The following RASSF4 variants were observed in gnomAD, a reference collection of about 807,000 sequenced individuals.
RASSF4 encodes Ras association domain family member 4, also known as ras association domain-containing protein 4.
Under a neutral mutation model 41.1 loss-of-function variants are expected in RASSF4, and 38 were observed. The ratio of observed to expected loss-of-function variants is 0.92; its 90% CI spans 0.71 to 1.21. The LOEUF (loss-of-function observed/expected upper bound fraction) is 1.21, where lower values mean the gene tolerates loss of function less well. RASSF4 is among the 50% of genes most tolerant of loss of function. The pLI is 0.00. For synonymous variants in RASSF4, 179 were observed against 163.4 expected, an observed-to-expected ratio of 1.10 and a Z score of -0.73; for missense variants, 414 against 419.4, an observed-to-expected ratio of 0.99 and a Z score of 0.11.
chr10:44,986,618 C>T (rs1841929297), intron 6 of RASSF4, among the ~76,000 whole-genome samples: 1 of 152,244 alleles, frequency 6.6e-6, no homozygotes, highest in Non-Finnish European at 1.5e-5. Flanking sequence ...CCCCCACCTC[C>T]TGGGTAAGGG....
chr10:44,979,058 A>G (rs1025452968), intron 3 of RASSF4, among the ~76,000 whole-genome samples: 12 of 152,118 alleles, frequency 7.9e-5, no homozygotes, highest in Non-Finnish European at 1.5e-4. Context: ...GAGGGGTTCC[A>G]CTGGGCCCTC....
intron 1 of RASSF4, among the ~76,000 whole-genome samples, chr10:44,964,323 TC>T (rs1225294284): frequency 6.6e-6 from 1 of 152,190 alleles, no homozygotes; most frequent in Non-Finnish European, 1.5e-5. Flanking sequence ...GGACAGAGTG[TC>T]CTCCAGCCTG....
intron 6 of RASSF4, among the ~76,000 whole-genome samples, chr10:44,987,787 G>A (rs1454435928): frequency 6.6e-6 from 1 of 151,962 alleles, no homozygotes; most frequent in Non-Finnish European, 1.5e-5. Flanking sequence ...ATTAAGGCAT[G>A]CATATTTTTT....
At chr10:44,984,557 C>T (rs1841844820) in intron 5 of RASSF4, 2 of 551,832 alleles carry the variant, frequency 3.6e-6, no homozygotes, top group Admixed American at 6.1e-5. Flanking sequence ...CACCAAAGAC[C>T]TCCATGGGCA....
chr10:44,984,653 G>A (rs964175089), intron 5 of RASSF4, 160 bp from the exon 6 acceptor site: 2 of 802,728 alleles, frequency 2.5e-6, no homozygotes, highest in Admixed American at 2.4e-5. Flanking sequence ...CTATCTGCAA[G>A]CTGGGAATAT....
chr10:44,977,520 G>A, intron 3 of RASSF4: 1 of 1,613,434 alleles, frequency 6.2e-7, no homozygotes, highest in South Asian at 1.1e-5. Flanking sequence ...TCAGAGCTCT[G>A]CTGCCCATCC....
chr10:44,969,195 G>A (rs1841041318), intron 1 of RASSF4, among the ~76,000 whole-genome samples: 1 of 151,938 alleles, frequency 6.6e-6, no homozygotes, highest in East Asian at 1.9e-4. Flanking sequence ...AGAGTCCTTG[G>A]CCACATTGAC....
At chr10:44,982,483 C>T (rs1841753007) in intron 3 of RASSF4, 38 bp from the exon 4 acceptor site, 1 of 1,602,516 alleles carries the variant, frequency 6.2e-7, no homozygotes, top group Admixed American at 1.7e-5. Flanking sequence ...AGGTAGGCAG[C>T]TGCTCTGGGG....
intron 3 of RASSF4, chr10:44,977,661 T>A: frequency 1.9e-6 from 3 of 1,613,060 alleles, no homozygotes; most frequent in Non-Finnish European, 1.7e-6. Flanking sequence ...CCAGTCCTCC[T>A]TGGCAGGTCC....
intron 6 of RASSF4, among the ~76,000 whole-genome samples, chr10:44,986,494 G>T (rs530116476): frequency 3.0e-4 from 45 of 152,218 alleles, no homozygotes; most frequent in Non-Finnish European, 6.2e-4. Context: ...CCCAGTGAGG[G>T]CAGCTTTTCC....
intron 3 of RASSF4, chr10:44,977,968 C>G (rs749157184): frequency 6.2e-7 from 1 of 1,612,244 alleles, no homozygotes; most frequent in Non-Finnish European, 8.5e-7. Context: ...CAAGCAGCAT[C>G]TCCTCCGTGG....
chr10:44,982,455 C>T (rs1458372439), intron 3 of RASSF4, 66 bp from the exon 4 acceptor site: 1 of 1,589,836 alleles, frequency 6.3e-7, no homozygotes, highest in South Asian at 1.1e-5. Context: ...AGCATCCCAT[C>T]CCTAGGGGGC....
chr10:44,979,582 C>T (rs998220754), intron 3 of RASSF4, among the ~76,000 whole-genome samples: 2 of 152,090 alleles, frequency 1.3e-5, no homozygotes, highest in African/African-American at 4.8e-5. Flanking sequence ...GGGTGTCTTC[C>T]CTAAGAGCAG....
intron 10 of RASSF4, among the ~76,000 whole-genome samples, chr10:44,993,046 A>T (rs1183277711): frequency 6.6e-6 from 1 of 152,182 alleles, no homozygotes; most frequent in African/African-American, 2.4e-5. Context: ...TAGAGTCTGC[A>T]ATAGAAATGA....
chr10:44,989,754 G>C (rs1480220263), intron 8 of RASSF4, 33 bp downstream of exon 8: 2 of 1,597,320 alleles, frequency 1.3e-6, no homozygotes. Context: ...GATCGTAAAA[G>C]CAAAAGGTCT....
At chr10:44,986,258 T>C (rs570692830) in intron 6 of RASSF4, among the ~76,000 whole-genome samples, 1 of 152,358 alleles carries the variant, frequency 6.6e-6, no homozygotes, top group Non-Finnish European at 1.5e-5. Flanking sequence ...GTACATTCGC[T>C]TCTCCTCGAA....
At position 44,971,762 on chromosome 10, in the gene RASSF4, T is replaced by TC. The variant is rs757033021; in HGVS notation, c.63-8dup. On this transcript the variant is annotated splice_polypyrimidine_tract_variant and intron_variant, in intron 2 of 10. Transcript: ENST00000340258. ...CACCCTAGGAGTACATGTGTGTCTT[T>TC]CCCTTTTTAGGTCGGAGCTCTTAGG... 9 of 1,612,254 alleles carry TC rather than the reference T, an allele frequency of 5.6e-6. No homozygotes were observed.
chr10:44,984,668 C>T (rs1304174137), intron 5 of RASSF4, 145 bp from the exon 6 acceptor site: 7 of 894,456 alleles, frequency 7.8e-6, no homozygotes, highest in Non-Finnish European at 1.2e-5. Flanking sequence ...GAATATCCAG[C>T]CTCCAGTCCA....
intron 1 of RASSF4, among the ~76,000 whole-genome samples, chr10:44,964,624 A>G (rs1475246547): frequency 6.6e-6 from 1 of 152,196 alleles, no homozygotes; most frequent in Non-Finnish European, 1.5e-5. Flanking sequence ...ATTTCAAGAT[A>G]AGGTTGTGCT....
Sources: gnomAD v4.1 joint callset for allele counts (sites outside exome capture counted in the v4.1 genomes callset) on GRCh38, gnomAD v4.1.1 for gene constraint, MANE v1.5 for transcripts, NCBI Gene and HGNC (gene_info 2026-07-23, HGNC 2026-07-21) for gene names.